Variants in MBOAT2 observed in about 807,000 individuals in gnomAD.
The protein encoded by MBOAT2 is membrane-bound glycerophospholipid O-acyltransferase 2.
In MBOAT2, 28 loss-of-function variants were observed where a neutral mutation model predicts 63.4. The ratio of observed to expected loss-of-function variants is 0.44; its 90% CI spans 0.33 to 0.61. MBOAT2 has a LOEUF of 0.61. MBOAT2 is among the 20% of genes least tolerant of loss of function. The pLI is 0.03. For synonymous variants in MBOAT2, 211 were observed against 215.6 expected, an observed-to-expected ratio of 0.98 and a Z score of 0.19; for missense variants, 470 against 605.8, an observed-to-expected ratio of 0.78 and a Z score of 2.35.
chr2:8,919,327 T>C (rs887828794), intron 3 of MBOAT2, among the ~76,000 whole-genome samples: 3 of 152,266 alleles, frequency 2.0e-5, no homozygotes, highest in Non-Finnish European at 2.9e-5. Flanking sequence ...ACAATTTTTA[T>C]GTTCCTGTAA....
rs1279626680 is a variant in MBOAT2 at position 8,873,188 on chromosome 2, G to A, written c.803C>T (p.Ala268Val). The change falls in exon 8 of 13, where the codon GCT becomes GTT. Residue 268 changes from alanine (A) to valine (V), a missense_variant. Coordinates refer to ENST00000305997, the MANE Select transcript of MBOAT2 (RefSeq NM_138799.4). ...ATAGATAATCTTTGTTGGCCACGAAGCTGTAGCTTGAAAATGCTCATCAAT... is the reference window on the plus strand; with the variant it reads ...ATAGATAATCTTTGTTGGCCACGAAACTGTAGCTTGAAAATGCTCATCAAT... ...YNIDEHFQAT[A>V]SWPTKIIYLY... 6.8e-6 allele frequency: 11 copies of A among 1,614,054 alleles called. No individual in the cohort carries two copies. Among genetic ancestry groups the A allele is most frequent in the Non-Finnish European group, 9.3e-6 (11 of 1,180,028 alleles).
At chr2:8,878,329 G>A (rs1662849070) in intron 6 of MBOAT2, among the ~76,000 whole-genome samples, 1 of 152,146 alleles carries the variant, frequency 6.6e-6, no homozygotes, top group Non-Finnish European at 1.5e-5. Flanking sequence ...AAAAACAGCT[G>A]CATTAAGAAA....
chr2:8,952,738 C>A (rs1013554317), intron 2 of MBOAT2, among the ~76,000 whole-genome samples: 2 of 138,072 alleles, frequency 1.4e-5, no homozygotes, highest in Non-Finnish European at 3.1e-5. Context: ...ATGTAACGCC[C>A]TTTTTTTTTT....
chr2:8,869,306 C>G (rs1662139824), intron 8 of MBOAT2, among the ~76,000 whole-genome samples: 1 of 151,770 alleles, frequency 6.6e-6, no homozygotes, highest in Admixed American at 6.6e-5. Context: ...CTTGGCCTCC[C>G]TAAGTGCTGG....
At chr2:8,893,873 GAAGA>G (rs1664208981) in intron 4 of MBOAT2, among the ~76,000 whole-genome samples, 1 of 152,144 alleles carries the variant, frequency 6.6e-6, no homozygotes, top group Non-Finnish European at 1.5e-5. Context: ...CAGAACTGAA[GAAGA>G]AAGAACAGGT....
chr2:8,864,643 A>G (rs1661732534), intron 9 of MBOAT2, among the ~76,000 whole-genome samples: 1 of 150,702 alleles, frequency 6.6e-6, no homozygotes, highest in South Asian at 2.1e-4. Flanking sequence ...CCACCGCGAC[A>G]TCCTGCCCTG....
intron 3 of MBOAT2, among the ~76,000 whole-genome samples, chr2:8,929,617 T>C (rs529893426): frequency 6.6e-6 from 1 of 152,364 alleles, no homozygotes; most frequent in African/African-American, 2.4e-5. Context: ...CCTCTCAAAG[T>C]GTTAGGATTA....
chr2:8,987,793 G>A (rs988634691), intron 1 of MBOAT2, among the ~76,000 whole-genome samples: 2 of 152,242 alleles, frequency 1.3e-5, no homozygotes, highest in East Asian at 3.9e-4. Context: ...TTCAGTATGA[G>A]CCCAATTTTG....
At position 8,940,913 on chromosome 2, in the gene MBOAT2, A is replaced by G. The variant is rs1460318346; in HGVS notation, c.299+2274T>C. Among the ~76,000 whole-genome samples, 9 of 152,242 alleles carry G rather than the reference A, an allele frequency of 5.9e-5. 1 individual carries two copies. The highest frequency in any genetic ancestry group is 5.9e-4 in the Admixed American group (9 of 15,286). On this transcript the variant is annotated intron_variant, in intron 3 of 12. Coordinates refer to ENST00000305997, the MANE Select transcript of MBOAT2 (RefSeq NM_138799.4). The stretch of plus-strand genomic sequence containing the variant: ...TATATTAAAACGTAATGTAAGAAAT[A>G]TATACCATGTAAAACTAGACTGAAA...
At chr2:8,887,363 C>T (rs1663636050) in intron 5 of MBOAT2, among the ~76,000 whole-genome samples, 4 of 152,098 alleles carry the variant, frequency 2.6e-5, no homozygotes, top group Admixed American at 2.6e-4. Flanking sequence ...ACTGTACTGT[C>T]AAGGCTGGTT....
chr2:8,897,052 T>A (rs751166893), intron 4 of MBOAT2, among the ~76,000 whole-genome samples: 1 of 152,248 alleles, frequency 6.6e-6, no homozygotes, highest in Non-Finnish European at 1.5e-5. Flanking sequence ...GACCTTCAAT[T>A]ATCAATTATA....
rs188628671 is a variant in MBOAT2 at position 8,968,783 on chromosome 2, T to C, written c.76-10141A>G. On this transcript the variant is annotated intron_variant, in intron 1 of 12. Coordinates refer to ENST00000305997, the MANE Select transcript of MBOAT2 (RefSeq NM_138799.4). The stretch of plus-strand genomic sequence containing the variant: ...CAACTGGAAGAAAGGGTATCAGTGA[T>C]TGAAGATCAAATGAATGAAATGAAG... 2.7e-3 allele frequency among the ~76,000 whole-genome samples: 418 copies of C among 152,260 alleles called. 1 individual carries two copies. The highest frequency in any genetic ancestry group is 4.2e-3 in the Non-Finnish European group (289 of 68,012).
intron 2 of MBOAT2, among the ~76,000 whole-genome samples, chr2:8,950,167 T>G (rs1303724178): frequency 6.6e-6 from 1 of 152,236 alleles, no homozygotes; most frequent in Admixed American, 6.5e-5. Context: ...TACATCGATC[T>G]TGTAGCCTGA....
intron 2 of MBOAT2, among the ~76,000 whole-genome samples, chr2:8,949,742 C>A (rs909513028): frequency 1.3e-5 from 2 of 152,114 alleles, no homozygotes; most frequent in Non-Finnish European, 2.9e-5. Flanking sequence ...TTACTGCATC[C>A]TTATAGTATA....
chr2:8,913,485 AAAAC>A (rs1409082244), intron 3 of MBOAT2, among the ~76,000 whole-genome samples: 6 of 152,190 alleles, frequency 3.9e-5, no homozygotes, highest in Non-Finnish European at 7.4e-5. Context: ...AGTAAGAAAA[AAAAC>A]AAACAATCCC....
At chr2:8,928,017 C>T (rs1667055099) in intron 3 of MBOAT2, among the ~76,000 whole-genome samples, 1 of 152,144 alleles carries the variant, frequency 6.6e-6, no homozygotes, top group African/African-American at 2.4e-5. Context: ...AGCCACATCA[C>T]ATGGCCAGAG....
At chr2:8,912,227 G>A (rs551049346) in intron 3 of MBOAT2, among the ~76,000 whole-genome samples, 2 of 150,360 alleles carry the variant, frequency 1.3e-5, no homozygotes, top group Admixed American at 1.3e-4. Context: ...CATAGTACTG[G>A]AAGTCCTAGC....
intron 4 of MBOAT2, chr2:8,908,179 A>C (rs1665467096): frequency 6.5e-6 from 1 of 152,766 alleles, no homozygotes; most frequent in Non-Finnish European, 1.5e-5. Flanking sequence ...ACATATAATC[A>C]GTTTTGTTAC....
At chr2:8,875,526 T>C (rs1662642792) in intron 7 of MBOAT2, among the ~76,000 whole-genome samples, 1 of 152,202 alleles carries the variant, frequency 6.6e-6, no homozygotes, top group Non-Finnish European at 1.5e-5. Flanking sequence ...CTTCATACAG[T>C]CTGTAAAATG....
Sources: gnomAD v4.1 joint callset for allele counts (sites outside exome capture counted in the v4.1 genomes callset) on GRCh38, gnomAD v4.1.1 for gene constraint, MANE v1.5 for transcripts, NCBI Gene and HGNC (gene_info 2026-07-23, HGNC 2026-07-21) for gene names.